TADA2A: variants seen among roughly 807,000 people sequenced by gnomAD.
TADA2A encodes transcriptional adaptor 2A, also known as transcriptional adapter 2-alpha.
In TADA2A, 38 loss-of-function variants were observed where a neutral mutation model predicts 67.4. The ratio of observed to expected loss-of-function variants is 0.56; its 90% CI spans 0.44 to 0.74. The LOEUF (loss-of-function observed/expected upper bound fraction) is 0.74. Ranked by LOEUF, TADA2A falls within the 30% of genes least tolerant of loss-of-function variation. The probability of loss-of-function intolerance (pLI) is 0.00; values close to 1 mark genes in which losing one functional copy is unlikely to be tolerated. For synonymous variants in TADA2A, 192 were observed against 181.6 expected (o/e 1.06, Z -0.46); for missense variants, 454 against 547.0 (o/e 0.83, Z 1.70).
At chr17:37,425,440 G>A (rs942887619) in intron 3 of TADA2A, among the ~76,000 whole-genome samples, 3 of 152,106 alleles carry the variant, frequency 2.0e-5, no homozygotes, top group Non-Finnish European at 2.9e-5. Flanking sequence ...AAGTACCTAT[G>A]ATTAGTATCC....
At position 37,440,564 on chromosome 17, in the gene TADA2A, T is replaced by TGTGA; in HGVS notation, c.345_346insTGAG (p.Lys116Ter). The stretch of plus-strand genomic sequence containing the variant: ...AAGGAGGAGTGTGAGAAGCACTATA[T>TGTGA]GAAGCATTTCATCAATAACCCTCTG... On this transcript the variant is annotated stop_gained and frameshift_variant, in exon 6 of 16. Coordinates refer to ENST00000615182, the MANE Select transcript of TADA2A (RefSeq NM_001166105.3). LOFTEE classifies it high-confidence loss of function. 6.2e-7 allele frequency: 1 copy of TGTGA among 1,614,164 alleles called. No individual in the cohort carries two copies. The highest frequency in any genetic ancestry group is 1.1e-5 in the South Asian group (1 of 91,086).
At chr17:37,443,254 CTTT>C (rs965371949) in intron 7 of TADA2A, among the ~76,000 whole-genome samples, 7 of 141,400 alleles carry the variant, frequency 5.0e-5, no homozygotes, top group South Asian at 2.3e-4. Flanking sequence ...TAGTCTGGTT[CTTT>C]TTTTTTTTTT....
At chr17:37,424,515 A>G (rs1173177206) in intron 3 of TADA2A, among the ~76,000 whole-genome samples, 1 of 151,896 alleles carries the variant, frequency 6.6e-6, no homozygotes, top group African/African-American at 2.4e-5. Context: ...ACTCTGTATC[A>G]AAAAACAAAC....
At chr17:37,443,738 G>T (rs1025661443) in intron 7 of TADA2A, among the ~76,000 whole-genome samples, 3 of 152,198 alleles carry the variant, frequency 2.0e-5, no homozygotes, top group Non-Finnish European at 4.4e-5. Context: ...AAGAATAAAT[G>T]AATACGCCTG....
In TADA2A at chr17:37,411,544, G is replaced by A. The variant is rs538180358; in HGVS notation, c.25+154G>A. On this transcript the variant is annotated intron_variant, in intron 2 of 15. Transcript: ENST00000615182. ...TTTAAACGGTTCTCCTGCCTCAGCC[G>A]CCTGAGTAGCTAGGACTACAGGCGC... Among the ~76,000 whole-genome samples, 409 of 151,966 alleles carry A rather than the reference G, an allele frequency of 2.7e-3. 1 individual carries two copies. The highest frequency in any genetic ancestry group is 9.4e-3 in the African/African-American group (388 of 41,448).
chr17:37,474,295 C>T (rs935976322), intron 14 of TADA2A, among the ~76,000 whole-genome samples: 4 of 152,102 alleles, frequency 2.6e-5, no homozygotes, highest in African/African-American at 9.7e-5. Context: ...ACATTTGATG[C>T]TAAGGTATGT....
At chr17:37,434,248 T>C (rs1286473019) in intron 4 of TADA2A, among the ~76,000 whole-genome samples, 1 of 152,196 alleles carries the variant, frequency 6.6e-6, no homozygotes, top group African/African-American at 2.4e-5. Context: ...GATGTTTAGG[T>C]GGAAGATCAC....
intron 3 of TADA2A, among the ~76,000 whole-genome samples, chr17:37,424,542 A>G (rs1363372997): frequency 6.6e-6 from 1 of 151,696 alleles, no homozygotes; most frequent in Admixed American, 6.6e-5. Context: ...CTAATAGTTA[A>G]CACTGTTTTT....
intron 4 of TADA2A, 70 bp from the exon 5 acceptor site, chr17:37,437,664 GGCGT>G: frequency 7.3e-7 from 1 of 1,361,956 alleles, no homozygotes; most frequent in Admixed American, 1.7e-5. Flanking sequence ...TGGGAGTATA[GGCGT>G]GAGCCACCGT....
intron 8 of TADA2A, among the ~76,000 whole-genome samples, chr17:37,445,016 T>C (rs1474115696): frequency 6.6e-6 from 1 of 151,814 alleles, no homozygotes; most frequent in Admixed American, 6.6e-5. Context: ...GTGATTTTAC[T>C]TTTATCTGAG....
rs530002792 is a variant in TADA2A, at chr17:37,437,370, C to T, written c.193-368C>T. Among the ~76,000 whole-genome samples the T allele has an allele frequency of 4.6e-5, 7 of 151,710 alleles. No individual in the cohort carries two copies. The South Asian group carries it at 6.2e-4, about 13-fold the overall frequency. On this transcript the variant is annotated intron_variant, in intron 4 of 15. Coordinates refer to ENST00000615182, the MANE Select transcript of TADA2A (RefSeq NM_001166105.3). ...CCTCCCAAAGTGCTGGGATTACAGG[C>T]GTGAGCCACTGTGCCCGGCCTATTT... is the stretch of plus-strand genomic sequence containing the variant.
intron 6 of TADA2A, among the ~76,000 whole-genome samples, chr17:37,441,114 G>A (rs2052904723): frequency 1.4e-5 from 2 of 147,122 alleles, no homozygotes; most frequent in South Asian, 2.2e-4. Flanking sequence ...AAAAAAAAAA[G>A]AGTCAGGATT....
chr17:37,412,106 G>A (rs551656725), intron 2 of TADA2A, among the ~76,000 whole-genome samples: 3 of 151,838 alleles, frequency 2.0e-5, no homozygotes, highest in African/African-American at 2.4e-5. Context: ...AGCTACTTGG[G>A]AGGCTGAGGC....
chr17:37,437,147 G>A (rs936827149), intron 4 of TADA2A, among the ~76,000 whole-genome samples: 8 of 125,388 alleles, frequency 6.4e-5, no homozygotes, highest in African/African-American at 1.7e-4. Context: ...GTGCAGTGGC[G>A]CGATCTCAGC....
chr17:37,477,449 T>G lies in TADA2A; in HGVS notation c.*467T>G, dbSNP rs2053912337. ...GCATAAGAAAGCTCTCGTTGAAGGA[T>G]TTTTTAAGCTGACAACTTTTTTTTT... On this transcript the variant is annotated 3_prime_UTR_variant, in exon 16 of 16. Transcript: ENST00000615182. 6.5e-6 allele frequency: 1 copy of G among 152,696 alleles called. No individual in the cohort carries two copies. 9.5% of individuals were successfully genotyped at this position (152,696 alleles called of 1,614,324 possible).
chr17:37,426,162 A>G (rs1320166101), intron 3 of TADA2A, among the ~76,000 whole-genome samples: 1 of 152,130 alleles, frequency 6.6e-6, no homozygotes, highest in Non-Finnish European at 1.5e-5. Flanking sequence ...ATATGAAACA[A>G]TATTTATCTT....
intron 8 of TADA2A, chr17:37,454,704 T>C: frequency 5.8e-6 from 2 of 345,108 alleles, no homozygotes; most frequent in East Asian, 7.8e-5. Context: ...TGCTGAGCAG[T>C]CAAATTCCAG....
intron 14 of TADA2A, 44 bp from the exon 15 acceptor site, chr17:37,474,512 G>A: frequency 1.3e-6 from 2 of 1,588,602 alleles, no homozygotes; most frequent in South Asian, 1.1e-5. Context: ...CTGAGAAATT[G>A]TCACTCCTAT....
chr17:37,421,810 C>T (rs1825841213), intron 2 of TADA2A, among the ~76,000 whole-genome samples: 1 of 49,070 alleles, frequency 2.0e-5, no homozygotes, highest in Non-Finnish European at 3.5e-5. Context: ...AAGGAGTTTT[C>T]TCTTATTTGC....
Sources: allele counts gnomAD v4.1 joint callset (sites outside exome capture counted in the v4.1 genomes callset), GRCh38; gene constraint gnomAD v4.1.1; transcripts MANE v1.5; gene names NCBI Gene and HGNC (gene_info 2026-07-23, HGNC 2026-07-21).